The following SMG7 variants were observed in gnomAD, a reference collection of about 807,000 sequenced individuals.
The protein encoded by SMG7 is nonsense-mediated mRNA decay factor SMG7.
A neutral mutation model predicts 148.2 loss-of-function variants in SMG7; 34 were observed. The observed-to-expected ratio is 0.23, with a 90% CI of 0.17 to 0.31. The LOEUF (loss-of-function observed/expected upper bound fraction) is 0.31, where lower values mean the gene tolerates loss of function less well. Among genes scored for constraint, SMG7 ranks in the 10% least tolerant of loss-of-function variants. The pLI is 1.00. For synonymous variants in SMG7, 492 were observed against 515.1 expected (o/e 0.96, Z 0.61); for missense variants, 1,114 against 1,408.4 (o/e 0.79, Z 3.35).
intron 12 of SMG7, 43 bp from the exon 13 acceptor site, chr1:183,540,939 CTT>C: frequency 6.2e-7 from 1 of 1,600,574 alleles, no homozygotes; most frequent in Middle Eastern, 1.7e-4. Flanking sequence ...TGGAAAATAT[CTT>C]TAGCAATTTA....
At chr1:183,537,362 T>C in intron 11 of SMG7, 147 bp downstream of exon 11, 1 of 621,758 alleles carries the variant, frequency 1.6e-6, no homozygotes, top group Non-Finnish European at 2.9e-6. Context: ...CATAAGTGGG[T>C]GGGTGGAAGT....
rs930367956 is a variant in SMG7 at position 183,480,193 on chromosome 1, G to A, written c.29+7544G>A. On this transcript the variant is annotated intron_variant, in intron 1 of 22. Coordinates refer to ENST00000688051, the MANE Select transcript of SMG7 (RefSeq NM_001375584.1). ...TTCAGGATCTTTTTTCACTTGTGTC[G>A]CTCTCTTCTTTTAAATTATTCCCTT... Among the ~76,000 whole-genome samples, 3 of 151,986 alleles carry A rather than the reference G, an allele frequency of 2.0e-5. No individual in the cohort carries two copies. In the East Asian group the frequency reaches 5.8e-4, roughly 29 times the overall value.
At chr1:183,538,583 T>C (rs1453070895) in intron 12 of SMG7, 143 bp downstream of exon 12, 2 of 671,532 alleles carry the variant, frequency 3.0e-6, no homozygotes, top group Non-Finnish European at 5.4e-6. Context: ...CTGAAAGTTG[T>C]TGTGAATTGG....
intron 14 of SMG7, among the ~76,000 whole-genome samples, chr1:183,543,380 AAT>A (rs1669290268): frequency 6.6e-6 from 1 of 152,170 alleles, no homozygotes; most frequent in South Asian, 2.1e-4. Flanking sequence ...GAGAAAGAGA[AAT>A]AAGAAAATAA....
rs746626435 is a variant in SMG7, at chr1:183,552,243, A to G, written c.*312A>G. ...CTCCATCGTGCATGTCCCCAGCCAC[A>G]TGGGAAGTGAAAGCTGAGAAGGGAA... is the stretch of plus-strand genomic sequence containing the variant. On this transcript the variant is annotated 3_prime_UTR_variant, in exon 23 of 23. Transcript: ENST00000688051. 2.2e-4 allele frequency: 227 copies of G among 1,039,908 alleles called. No homozygotes were observed. Among genetic ancestry groups the G allele is most frequent in the Non-Finnish European group, 2.6e-4 (224 of 865,620 alleles). The allele number at this position is 1,039,908 out of a possible 1,614,324, so 64.4% of individuals were successfully genotyped here. A position where few individuals can be genotyped will look rare whatever the true frequency, so the allele number is the denominator to read the frequency against.
At chr1:183,480,766 A>G (rs2702176) in intron 1 of SMG7, among the ~76,000 whole-genome samples, 133,040 of 152,168 alleles carry the variant, frequency 0.87, 58,304 homozygotes, top group East Asian at 1. Flanking sequence ...TCATGATTCT[A>G]ATTACATTGC....
At chr1:183,494,756 CTTTTTTTT>C (rs141159130) in intron 1 of SMG7, among the ~76,000 whole-genome samples, 1 of 15,278 alleles carries the variant, frequency 6.5e-5, no homozygotes, top group Admixed American at 1.1e-3. Context: ...AGCCCTTGTT[CTTTTTTTT>C]TTTTTTTTTT....
At position 183,551,029 on chromosome 1, in the gene SMG7, T is replaced by A; in HGVS notation, c.3305-16T>A. On this transcript the variant is annotated splice_polypyrimidine_tract_variant and intron_variant, in intron 21 of 22. Transcript: ENST00000688051. Reference sequence around the variant, plus strand: ...AACATCTTCTTGAATTTTTCTTATCTCTTTTCATCCCTTAGCCATGGGTGG... The same window carrying A: ...AACATCTTCTTGAATTTTTCTTATCACTTTTCATCCCTTAGCCATGGGTGG... 6.2e-7 allele frequency: 1 copy of A among 1,614,038 alleles called. No homozygotes were observed. Among genetic ancestry groups the A allele is most frequent in the Admixed American group, 1.7e-5 (1 of 59,980 alleles).
chr1:183,551,981 G>C lies in SMG7; in HGVS notation c.*50G>C, dbSNP rs746896517. ...AAGGCTCCATAAACCATGGCATGTT[G>C]GGTTTGCAGGACTGGCCCACACAGT... On this transcript the variant is annotated 3_prime_UTR_variant, in exon 23 of 23. Transcript: ENST00000688051. 6.3e-7 allele frequency: 1 copy of C among 1,597,960 alleles called. No homozygotes were observed. Among genetic ancestry groups the C allele is most frequent in the South Asian group, 1.1e-5 (1 of 89,072 alleles).
chr1:183,529,565 T>C, intron 8 of SMG7, 32 bp downstream of exon 8: 8 of 1,587,012 alleles, frequency 5.0e-6, no homozygotes, highest in Non-Finnish European at 6.9e-6. Context: ...ATTTTTGTCT[T>C]GTCTAAATCA....
In SMG7 at chr1:183,549,229, T is replaced by C. The variant is rs746485225; in HGVS notation, c.2914T>C (p.Ser972Pro). 6.2e-7 allele frequency: 1 copy of C among 1,613,602 alleles called. No individual in the cohort carries two copies. The highest frequency in any genetic ancestry group is 8.5e-7 in the Non-Finnish European group (1 of 1,179,592). ...SLFKSLLEKP[S>P]ELMSHSSSFL... ...GAAGAAATCCTTATTGGAGAAGCCC[T>C]CAGAGCTCATGTCACATTCATCCTC... is the stretch of plus-strand genomic sequence containing the variant. Residue 972 changes from serine (S) to proline (P), a missense_variant, in exon 19 of 23, where the codon TCA becomes CCA. Ser to Pro is a moderately conservative substitution (Grantham distance 74, BLOSUM62 -1). Transcript: ENST00000688051.
intron 1 of SMG7, among the ~76,000 whole-genome samples, chr1:183,490,930 C>T (rs1371050154): frequency 6.6e-6 from 1 of 152,170 alleles, no homozygotes; most frequent in Non-Finnish European, 1.5e-5. Flanking sequence ...GGATTACAGG[C>T]ATGCGCCACC....
intron 1 of SMG7, among the ~76,000 whole-genome samples, chr1:183,475,727 A>G (rs1249471405): frequency 6.6e-6 from 1 of 152,152 alleles, no homozygotes; most frequent in Admixed American, 6.5e-5. Flanking sequence ...AAATTGGCAG[A>G]GTGGTGGTAC....
intron 12 of SMG7, among the ~76,000 whole-genome samples, chr1:183,539,723 C>T (rs1668459865): frequency 6.6e-6 from 1 of 152,122 alleles, no homozygotes; most frequent in African/African-American, 2.4e-5. Context: ...TCTGAAAAAC[C>T]CTTGTTTCTA....
chr1:183,498,770 A>G (rs1046633389), intron 1 of SMG7, among the ~76,000 whole-genome samples: 2 of 152,328 alleles, frequency 1.3e-5, no homozygotes, highest in South Asian at 2.1e-4. Flanking sequence ...ATATTCACCC[A>G]AAGTTCATTT....
chr1:183,482,439 TA>T (rs551097580), intron 1 of SMG7, among the ~76,000 whole-genome samples: 150 of 141,966 alleles, frequency 1.1e-3, no homozygotes, highest in Middle Eastern at 3.5e-3. Context: ...TCATCTTAGG[TA>T]AAAAAAAAAA....
chr1:183,499,827 CAT>C (rs1005420519), intron 1 of SMG7, among the ~76,000 whole-genome samples: 9 of 152,196 alleles, frequency 5.9e-5, no homozygotes, highest in African/African-American at 1.9e-4. Flanking sequence ...AGTATCTACT[CAT>C]ATTTTTGCTT....
intron 1 of SMG7, among the ~76,000 whole-genome samples, chr1:183,490,654 T>C (rs911986140): frequency 1.1e-4 from 17 of 152,242 alleles, no homozygotes; most frequent in African/African-American, 3.4e-4. Flanking sequence ...TTTAAACATA[T>C]ACTGTTTTAA....
At chr1:183,523,527 T>C (rs1170820248) in intron 4 of SMG7, among the ~76,000 whole-genome samples, 1 of 152,222 alleles carries the variant, frequency 6.6e-6, no homozygotes, top group African/African-American at 2.4e-5. Context: ...TAAGTTCTTA[T>C]CAGACTGAGG....
Sources: gnomAD v4.1 joint callset for allele counts (sites outside exome capture counted in the v4.1 genomes callset) on GRCh38, gnomAD v4.1.1 for gene constraint, MANE v1.5 for transcripts, NCBI Gene and HGNC (gene_info 2026-07-23, HGNC 2026-07-21) for gene names.